The following CHST8 variants were observed in gnomAD, a reference collection of about 807,000 sequenced individuals.
CHST8 encodes carbohydrate sulfotransferase 8.
In CHST8, 10 loss-of-function variants were observed where a neutral mutation model predicts 15.0. The observed-to-expected ratio is 0.67, with a 90% CI of 0.41 to 1.13. The LOEUF (loss-of-function observed/expected upper bound fraction) is 1.13, where lower values mean the gene tolerates loss of function less well. Among genes scored for constraint, CHST8 ranks in the 50% most tolerant of loss-of-function variants. CHST8 has a pLI of 0.00. For synonymous variants in CHST8, 259 were observed against 256.6 expected (o/e 1.01, Z -0.09); for missense variants, 634 against 608.2 (o/e 1.04, Z -0.45).
intron 3 of CHST8, among the ~76,000 whole-genome samples, chr19:33,694,610 C>T (rs1050227409): frequency 4.6e-5 from 7 of 152,144 alleles, no homozygotes; most frequent in South Asian, 4.1e-4. Flanking sequence ...GACAGAGTCT[C>T]GCTCTGTAGC....
chr19:33,692,509 G>A (rs1973115825), intron 3 of CHST8, among the ~76,000 whole-genome samples: 1 of 152,094 alleles, frequency 6.6e-6, no homozygotes, highest in Admixed American at 6.5e-5. Flanking sequence ...ACCAGCCTGG[G>A]CAACATAGCA....
In CHST8 at chr19:33,727,677, C is replaced by T. The variant is rs1214636235; in HGVS notation, c.130+38286C>T. Reference sequence around the variant, plus strand: ...TCCAGGCCCCCCGGAAGGAGGAACACATGTTAAATATTTGCGGTTTTGCTG... The same window carrying T: ...TCCAGGCCCCCCGGAAGGAGGAACATATGTTAAATATTTGCGGTTTTGCTG... On this transcript the variant is annotated intron_variant, in intron 3 of 4. Coordinates refer to ENST00000650847, the MANE Select transcript of CHST8 (RefSeq NM_001127895.2). Among the ~76,000 whole-genome samples, 6 of 152,238 alleles carry T rather than the reference C, an allele frequency of 3.9e-5. 1 individual carries two copies. The highest frequency in any genetic ancestry group is 2.1e-4 in the South Asian group (1 of 4,830).
At position 33,732,288 on chromosome 19, in the gene CHST8, C is replaced by T. The variant is rs959268669; in HGVS notation, c.131-39125C>T. Among the ~76,000 whole-genome samples the T allele has an allele frequency of 1.2e-4, 19 of 152,258 alleles. No homozygotes were observed. The East Asian group carries it at 1.6e-3, about 12-fold the overall frequency. On this transcript the variant is annotated intron_variant, in intron 3 of 4. Coordinates refer to ENST00000650847, the MANE Select transcript of CHST8 (RefSeq NM_001127895.2). ...AAGGCTCACGCCTAATAAATAAGCC[C>T]GCGTTCTGTTTTGCCCCCAGCTGGG...
intron 2 of CHST8, among the ~76,000 whole-genome samples, chr19:33,671,420 G>A (rs1222089523): frequency 6.6e-6 from 1 of 152,124 alleles, no homozygotes; most frequent in African/African-American, 2.4e-5. Context: ...GGCCAAGAGG[G>A]GTCCTGCCAA....
chr19:33,636,361 A>G (rs920720783), intron 1 of CHST8, among the ~76,000 whole-genome samples: 2 of 152,148 alleles, frequency 1.3e-5, no homozygotes, highest in African/African-American at 4.8e-5. Context: ...AACCACCTAA[A>G]TCGCCCTTGC....
At position 33,682,150 on chromosome 19, in the gene CHST8, C is replaced by T. The variant is rs185617027; in HGVS notation, c.-86-7026C>T. Reference sequence around the variant, plus strand: ...GGATTATAGGCGTGAGCCACCGTGCCTGGTGTGTGTGTGTGTGTGTTGTGG... The same window carrying T: ...GGATTATAGGCGTGAGCCACCGTGCTTGGTGTGTGTGTGTGTGTGTTGTGG... On this transcript the variant is annotated intron_variant, in intron 2 of 4. Transcript: ENST00000650847. 4.8e-5 allele frequency among the ~76,000 whole-genome samples: 7 copies of T among 145,628 alleles called. No individual in the cohort carries two copies. In the East Asian group the frequency reaches 1.4e-3, roughly 29 times the overall value.
intron 1 of CHST8, among the ~76,000 whole-genome samples, chr19:33,636,072 T>C (rs1429361849): frequency 7.1e-6 from 1 of 140,286 alleles, no homozygotes; most frequent in African/African-American, 2.7e-5. Flanking sequence ...TGATAACTAA[T>C]ATGAAAGGTT....
At chr19:33,676,524 C>T (rs1444363870) in intron 2 of CHST8, among the ~76,000 whole-genome samples, 1 of 151,950 alleles carries the variant, frequency 6.6e-6, no homozygotes, top group Admixed American at 6.6e-5. Flanking sequence ...GAGCCAAGGT[C>T]GTGCCACTGC....
chr19:33,673,680 A>G (rs1405705758), intron 2 of CHST8, among the ~76,000 whole-genome samples: 2 of 152,130 alleles, frequency 1.3e-5, no homozygotes, highest in Non-Finnish European at 2.9e-5. Flanking sequence ...CCTCCTGGGC[A>G]TGCTGGGAGG....
intron 3 of CHST8, among the ~76,000 whole-genome samples, chr19:33,724,295 C>A (rs1030295044): frequency 6.6e-6 from 1 of 152,166 alleles, no homozygotes; most frequent in Non-Finnish European, 1.5e-5. Context: ...GGCCTGGGAC[C>A]TCCACCATCC....
At chr19:33,722,787 A>C (rs1973824285) in intron 3 of CHST8, among the ~76,000 whole-genome samples, 1 of 152,136 alleles carries the variant, frequency 6.6e-6, no homozygotes, top group Non-Finnish European at 1.5e-5. Context: ...TTCCCCACCC[A>C]CATCTCTCTT....
intron 3 of CHST8, among the ~76,000 whole-genome samples, chr19:33,725,330 G>C (rs955610949): frequency 1.3e-5 from 2 of 152,108 alleles, no homozygotes; most frequent in African/African-American, 4.8e-5. Context: ...GCCCCTCCTC[G>C]ACTCATTCTG....
intron 3 of CHST8, among the ~76,000 whole-genome samples, chr19:33,716,393 G>A (rs916527726): frequency 1.3e-5 from 2 of 152,086 alleles, no homozygotes; most frequent in African/African-American, 4.8e-5. Flanking sequence ...TTGAGACAGG[G>A]TCTCACTCGG....
intron 1 of CHST8, among the ~76,000 whole-genome samples, chr19:33,651,604 T>C (rs995859139): frequency 5.9e-5 from 9 of 152,210 alleles, no homozygotes; most frequent in Non-Finnish European, 1.0e-4. Flanking sequence ...GCTTGTTCAA[T>C]AGCCAATAGG....
intron 2 of CHST8, 47 bp from the exon 3 acceptor site, chr19:33,689,129 C>G: frequency 9.0e-7 from 1 of 1,107,310 alleles, no homozygotes. Context: ...TACACCTGCC[C>G]GGGTGCCTCG....
At chr19:33,704,351 G>A (rs1172303843) in intron 3 of CHST8, among the ~76,000 whole-genome samples, 2 of 152,238 alleles carry the variant, frequency 1.3e-5, no homozygotes, top group Non-Finnish European at 2.9e-5. Context: ...TCAGGGTCTG[G>A]GTCTGCATTG....
chr19:33,679,002 C>G (rs1972848806), intron 2 of CHST8, among the ~76,000 whole-genome samples: 1 of 152,236 alleles, frequency 6.6e-6, no homozygotes, highest in African/African-American at 2.4e-5. Context: ...GCTGGAAACA[C>G]AAAGACAAGT....
intron 3 of CHST8, among the ~76,000 whole-genome samples, chr19:33,708,858 G>A (rs563709913): frequency 6.6e-6 from 1 of 152,270 alleles, no homozygotes; most frequent in Admixed American, 6.5e-5. Flanking sequence ...TACAATCCAT[G>A]AACGTGGAAT....
At chr19:33,749,890 C>T (rs918525938) in intron 3 of CHST8, among the ~76,000 whole-genome samples, 2 of 152,208 alleles carry the variant, frequency 1.3e-5, no homozygotes, top group African/African-American at 2.4e-5. Context: ...GGGTCCGGGT[C>T]GTGGCCCTCA....
Sources: gnomAD v4.1 joint callset for allele counts (sites outside exome capture counted in the v4.1 genomes callset) on GRCh38, gnomAD v4.1.1 for gene constraint, MANE v1.5 for transcripts, NCBI Gene and HGNC (gene_info 2026-07-23, HGNC 2026-07-21) for gene names.